The following NXN variants were observed in gnomAD, a reference collection of about 807,000 sequenced individuals.
NXN encodes the protein nucleoredoxin 1.
NXN carries 16 observed loss-of-function variants against 48.6 expected under a neutral mutation model. The observed-to-expected ratio is 0.33, with a 90% CI of 0.22 to 0.50. The LOEUF is 0.50. Ranked by LOEUF, NXN falls within the 20% of genes least tolerant of loss-of-function variation. The pLI is 0.98. For missense variants in NXN, 492 were observed against 605.5 expected (o/e 0.81, Z 1.97); for synonymous variants, 281 against 269.6 (o/e 1.04, Z -0.41).
At chr17:930,774 CTTTTT>C (rs66910992) in intron 1 of NXN, among the ~76,000 whole-genome samples, 1 of 142,380 alleles carries the variant, frequency 7.0e-6, no homozygotes, top group African/African-American at 2.6e-5. Context: ...GTTGAGTTTG[CTTTTT>C]TTTTTTTTTT....
intron 1 of NXN, among the ~76,000 whole-genome samples, chr17:857,277 A>G (rs994989195): frequency 6.0e-5 from 9 of 148,956 alleles, no homozygotes; most frequent in African/African-American, 2.2e-4. Flanking sequence ...TTTTTTTTTT[A>G]TGAGACGGAG....
rs2068130490 is a variant in NXN at position 869,615 on chromosome 17, A to G, written c.361-43537T>C. ...TACTGTAAGAATCGCTGACATATGT[A>G]GGTTTCAATGAAATCACTCAGGGAG... On this transcript the variant is annotated intron_variant, in intron 1 of 7. Coordinates refer to ENST00000336868, the MANE Select transcript of NXN (RefSeq NM_022463.5). 3.3e-5 allele frequency among the ~76,000 whole-genome samples: 5 copies of G among 152,378 alleles called. No individual in the cohort carries two copies. The South Asian group carries it at 1.0e-3, about 32-fold the overall frequency.
Position 875,592 on chromosome 17 carries a change from T to C in NXN, c.361-49514A>G, listed in dbSNP as rs570712847. ...AATAGGGTTTTTTTGTTGTTTTGGT[T>C]GTGGTGTTTTTGTTTTTGTTTTAAG... On this transcript the variant is annotated intron_variant, in intron 1 of 7. Coordinates refer to ENST00000336868, the MANE Select transcript of NXN (RefSeq NM_022463.5). 3.3e-5 allele frequency among the ~76,000 whole-genome samples: 5 copies of C among 151,938 alleles called. No homozygotes were observed. In the South Asian group the frequency reaches 1.0e-3, roughly 32 times the overall value.
At chr17:879,277 TTTGG>T in intron 1 of NXN, among the ~76,000 whole-genome samples, 1 of 18,340 alleles carries the variant, frequency 5.5e-5, no homozygotes, top group East Asian at 1.7e-3. Context: ...TGGTTTGGTT[TTTGG>T]TTTTTGGTTT....
intron 1 of NXN, among the ~76,000 whole-genome samples, chr17:902,999 G>A (rs533458769): frequency 2.2e-4 from 33 of 151,292 alleles, no homozygotes; most frequent in Non-Finnish European, 4.0e-4. Flanking sequence ...TCGAACTCCC[G>A]AACTCAGGTG....
At chr17:902,529 T>G (rs899765318) in intron 1 of NXN, among the ~76,000 whole-genome samples, 1 of 152,016 alleles carries the variant, frequency 6.6e-6, no homozygotes, top group African/African-American at 2.4e-5. Context: ...CCCCAAAAGG[T>G]GAGCAGAGAA....
intron 1 of NXN, among the ~76,000 whole-genome samples, chr17:841,865 G>A (rs541160716): frequency 2.0e-4 from 31 of 152,292 alleles, no homozygotes; most frequent in African/African-American, 4.3e-4. Flanking sequence ...GGTGGCGCAC[G>A]GCGGCTCACG....
chr17:853,209 T>C (rs1374195876), intron 1 of NXN, among the ~76,000 whole-genome samples: 1 of 152,132 alleles, frequency 6.6e-6, no homozygotes, highest in East Asian at 1.9e-4. Flanking sequence ...CCCGGTACTT[T>C]GGGAGGCGTG....
intron 5 of NXN, among the ~76,000 whole-genome samples, chr17:808,598 G>A (rs1355135108): frequency 1.3e-5 from 2 of 150,732 alleles, no homozygotes; most frequent in African/African-American, 4.9e-5. Context: ...CCCGGCCAGT[G>A]TAAAACACTT....
chr17:887,739 G>C (rs1013694537), intron 1 of NXN, among the ~76,000 whole-genome samples: 4 of 151,974 alleles, frequency 2.6e-5, no homozygotes, highest in African/African-American at 4.8e-5. Context: ...GGCTTGAGGG[G>C]GAAAAAAGAG....
chr17:883,116 G>A (rs145996383), intron 1 of NXN, among the ~76,000 whole-genome samples: 2 of 152,278 alleles, frequency 1.3e-5, no homozygotes, highest in African/African-American at 2.4e-5. Flanking sequence ...GCTACTTGGG[G>A]AAGGCTACAC....
At chr17:802,467 C>T (rs935234758) in intron 7 of NXN, among the ~76,000 whole-genome samples, 2 of 152,208 alleles carry the variant, frequency 1.3e-5, no homozygotes, top group Admixed American at 6.5e-5. Context: ...GTGAAATATG[C>T]GGCTCTGTGC....
intron 1 of NXN, among the ~76,000 whole-genome samples, chr17:957,646 G>A (rs957226013): frequency 1.3e-4 from 18 of 137,716 alleles, no homozygotes; most frequent in African/African-American, 4.9e-4. Context: ...AAAAAAAAAA[G>A]CATTTCTGCA....
chr17:944,697 C>T (rs2069022925), intron 1 of NXN, among the ~76,000 whole-genome samples: 1 of 152,132 alleles, frequency 6.6e-6, no homozygotes, highest in Non-Finnish European at 1.5e-5. Context: ...AAACTCCTTC[C>T]TCATCTCCAC....
intron 1 of NXN, among the ~76,000 whole-genome samples, chr17:943,717 C>T (rs1017206099): frequency 2.0e-5 from 3 of 151,244 alleles, no homozygotes; most frequent in East Asian, 2.0e-4. Context: ...AGCTACGACT[C>T]GGGGGGCTGA....
chr17:922,297 G>A (rs1027703322), intron 1 of NXN, among the ~76,000 whole-genome samples: 9 of 151,988 alleles, frequency 5.9e-5, no homozygotes, highest in Non-Finnish European at 5.9e-5. Context: ...AAATTAGCTG[G>A]GTGTGGTGGC....
intron 1 of NXN, among the ~76,000 whole-genome samples, chr17:952,113 A>G (rs1169527308): frequency 6.6e-6 from 1 of 150,844 alleles, no homozygotes; most frequent in African/African-American, 2.4e-5. Context: ...AACTCATGAC[A>G]GTTACCCACC....
chr17:868,423 A>G (rs2068115288), intron 1 of NXN, among the ~76,000 whole-genome samples: 1 of 151,046 alleles, frequency 6.6e-6, no homozygotes, highest in Non-Finnish European at 1.5e-5. Context: ...CCGCAGACTT[A>G]ACGCCTTCGC....
rs117558643 is a variant in NXN at position 858,159 on chromosome 17, C to T, written c.361-32081G>A. Among the ~76,000 whole-genome samples, 40 of 151,580 alleles carry T rather than the reference C, an allele frequency of 2.6e-4. 1 individual carries two copies. The highest frequency in any genetic ancestry group is 9.2e-4 in the African/African-American group (38 of 41,316). On this transcript the variant is annotated intron_variant, in intron 1 of 7. Transcript: ENST00000336868. ...TAACTTTTGTATTTTTGTGTAGAGA[C>T]GACGTTTCACCATGTTGCGGCTAAT... is the stretch of plus-strand genomic sequence containing the variant.
Sources: allele counts gnomAD v4.1 joint callset (sites outside exome capture counted in the v4.1 genomes callset), GRCh38; gene constraint gnomAD v4.1.1; transcripts MANE v1.5; gene names NCBI Gene and HGNC (gene_info 2026-07-23, HGNC 2026-07-21).